Variants in DYSF observed in about 807,000 individuals in gnomAD.
DYSF encodes dystrophy-associated fer-1-like 1.
DYSF carries 212 observed loss-of-function variants against 274.9 expected under a neutral mutation model. The observed-to-expected ratio is 0.77, with a 90% CI of 0.69 to 0.86. The LOEUF (loss-of-function observed/expected upper bound fraction) is 0.86, where lower values mean the gene tolerates loss of function less well. DYSF is among the 40% of genes least tolerant of loss of function. The pLI is 0.00. For synonymous variants in DYSF, 1,091 were observed against 1,078.7 expected (o/e 1.01, Z -0.22); for missense variants, 2,666 against 2,783.2 (o/e 0.96, Z 0.95).
At chr2:71,623,281 C>A (rs550031195) in intron 41 of DYSF, among the ~76,000 whole-genome samples, 1 of 151,028 alleles carries the variant, frequency 6.6e-6, no homozygotes, top group African/African-American at 2.4e-5. Context: ...CCCACTAACT[C>A]GTCATCTAGC....
At chr2:71,663,025 G>A (rs1375276092) in intron 45 of DYSF, among the ~76,000 whole-genome samples, 1 of 145,270 alleles carries the variant, frequency 6.9e-6, no homozygotes, top group Non-Finnish European at 1.5e-5. Context: ...GTATGTTTAC[G>A]TGTGTGTGTG....
rs2082352226 is a variant in DYSF, at chr2:71,475,800, G to A, written c.92-5083G>A. Among the ~76,000 whole-genome samples the A allele has an allele frequency of 2.6e-5, 4 of 152,170 alleles. No homozygotes were observed. In the South Asian group the frequency reaches 6.2e-4, roughly 24 times the overall value. On this transcript the variant is annotated intron_variant, in intron 1 of 55. Transcript: ENST00000410020. ...TTTTATTTTTTAGAGACAGGGTCTT[G>A]CTCTGTTGCCCAGGCTGGAGTGCAG...
intron 4 of DYSF, among the ~76,000 whole-genome samples, chr2:71,510,986 G>A (rs1236262432): frequency 1.3e-5 from 2 of 152,240 alleles, no homozygotes; most frequent in South Asian, 4.1e-4. Context: ...AGTATCCGTT[G>A]CACTAATTTG....
chr2:71,630,041 C>T (rs1033262018), intron 41 of DYSF, among the ~76,000 whole-genome samples: 6 of 152,172 alleles, frequency 3.9e-5, no homozygotes, highest in Admixed American at 1.3e-4. Context: ...GTCTTCAGAT[C>T]GCTCTTCTTC....
chr2:71,566,566 C>A (rs969130271), intron 24 of DYSF, among the ~76,000 whole-genome samples: 8 of 151,484 alleles, frequency 5.3e-5, no homozygotes, highest in Non-Finnish European at 1.2e-4. Flanking sequence ...CTAGACATTT[C>A]TTTATTTGCT....
At position 71,664,416 on chromosome 2, in the gene DYSF, G is replaced by A; in HGVS notation, c.5152G>A (p.Gly1718Arg). 1 of 1,614,180 alleles carries A rather than the reference G, an allele frequency of 6.2e-7. No homozygotes were observed. The highest frequency in any genetic ancestry group is 8.5e-7 in the Non-Finnish European group (1 of 1,180,020). ...GCTGTCCAAGTTTGGGGCTCGCTGT[G>A]GACTCCCACAGACCTACTGTGTGTA... ...RLLSKFGARCGLPQTYCVSGP... is the reference protein window; with the variant it reads ...RLLSKFGARCRLPQTYCVSGP... Residue 1718 changes from glycine (G) to arginine (R), a missense_variant, in exon 46 of 56, where the codon GGA becomes AGA. Gly to Arg is a moderately radical substitution (Grantham distance 125, BLOSUM62 -2). This residue lies in a region of DYSF where 1,460 missense variants were observed against 1,502.1 expected (regional missense o/e 0.97). Coordinates refer to ENST00000410020, the MANE Select transcript of DYSF (RefSeq NM_001130987.2).
At position 71,507,047 on chromosome 2, in the gene DYSF, G is replaced by A. The variant is rs988228361; in HGVS notation, c.345+3728G>A. Among the ~76,000 whole-genome samples the A allele has an allele frequency of 3.9e-5, 6 of 152,140 alleles. 1 individual carries two copies. The highest frequency in any genetic ancestry group is 3.3e-4 in the Admixed American group (5 of 15,282). On this transcript the variant is annotated intron_variant, in intron 4 of 55. Transcript: ENST00000410020. ...GAAGGGGCTGCCTAAGTGGTCTCTG[G>A]AGCCCTCTCTCTGGAGAGGGCTGCT...
At chr2:71,618,360 T>C (rs62651678) in intron 40 of DYSF, among the ~76,000 whole-genome samples, 1 of 2,200 alleles carries the variant, frequency 4.5e-4, no homozygotes, top group African/African-American at 1.9e-3. Context: ...GGTGTGTGTG[T>C]GGTAGAGGTG....
chr2:71,628,039 A>G (rs1047463085), intron 41 of DYSF, among the ~76,000 whole-genome samples: 1 of 152,142 alleles, frequency 6.6e-6, no homozygotes, highest in African/African-American at 2.4e-5. Context: ...GCATTCTGAC[A>G]ATCTTTACTA....
chr2:71,570,417 C>G, intron 28 of DYSF, 83 bp downstream of exon 28: 1 of 1,485,152 alleles, frequency 6.7e-7, no homozygotes, highest in Non-Finnish European at 9.4e-7. Context: ...ATGCCAGGGC[C>G]CTTCACTGGG....
At chr2:71,528,054 A>C (rs1272245425) in intron 13 of DYSF, among the ~76,000 whole-genome samples, 2 of 152,212 alleles carry the variant, frequency 1.3e-5, no homozygotes, top group African/African-American at 4.8e-5. Flanking sequence ...AAAGGCTTTG[A>C]ATGCAGGGTG....
intron 51 of DYSF, among the ~76,000 whole-genome samples, chr2:71,670,534 A>G (rs2095101268): frequency 6.6e-6 from 1 of 152,184 alleles, no homozygotes; most frequent in African/African-American, 2.4e-5. Context: ...GCCCACAGCC[A>G]TCACCCTCCT....
intron 22 of DYSF, among the ~76,000 whole-genome samples, chr2:71,560,641 C>T (rs897705567): frequency 4.6e-5 from 7 of 152,194 alleles, no homozygotes; most frequent in Non-Finnish European, 8.8e-5. Flanking sequence ...AAATGTAGTG[C>T]GCCGAGGGCC....
intron 12 of DYSF, among the ~76,000 whole-genome samples, chr2:71,524,892 C>T (rs2087688455): frequency 6.6e-6 from 1 of 152,328 alleles, no homozygotes; most frequent in African/African-American, 2.4e-5. Context: ...CTGTGTTACA[C>T]CTCAGCTTTC....
chr2:71,551,087 C>T lies in DYSF; in HGVS notation c.1623C>T (p.Ile541=). The part of the protein sequence containing the change: ...GFLPTFGPCY[I]NLYGSPREFT... Reference sequence around the variant, plus strand: ...TCCCCACTTTTGGGCCCTGCTACATCAACCTCTATGGCAGTCCCAGAGAGT... The same window carrying T: ...TCCCCACTTTTGGGCCCTGCTACATTAACCTCTATGGCAGTCCCAGAGAGT... Residue 541 remains isoleucine, a synonymous_variant, in exon 18 of 56, where the codon ATC becomes ATT. Transcript: ENST00000410020. The T allele has an allele frequency of 6.2e-7, 1 of 1,614,176 alleles. No individual in the cohort carries two copies. Among genetic ancestry groups the T allele is most frequent in the South Asian group, 1.1e-5 (1 of 91,088 alleles).
intron 30 of DYSF, among the ~76,000 whole-genome samples, chr2:71,584,825 T>C (rs996532562): frequency 6.6e-6 from 1 of 152,142 alleles, no homozygotes; most frequent in African/African-American, 2.4e-5. Context: ...ATGATGCAGC[T>C]AAGGAAGAGC....
intron 40 of DYSF, among the ~76,000 whole-genome samples, chr2:71,616,171 C>T (rs1391325810): frequency 6.6e-6 from 1 of 152,108 alleles, no homozygotes; most frequent in East Asian, 1.9e-4. Context: ...TCTTAGGTTT[C>T]TAGAAATGTT....
At chr2:71,675,658 A>G (rs934065251) in intron 52 of DYSF, among the ~76,000 whole-genome samples, 2 of 152,192 alleles carry the variant, frequency 1.3e-5, no homozygotes, top group Non-Finnish European at 2.9e-5. Flanking sequence ...TATTTTACTT[A>G]TTATTTTGTA....
chr2:71,684,851 A>C (rs1208260326), intron 55 of DYSF, among the ~76,000 whole-genome samples: 1 of 152,218 alleles, frequency 6.6e-6, no homozygotes, highest in African/African-American at 2.4e-5. Flanking sequence ...TCCTGCTCAC[A>C]TGAGGAAGGG....
Sources: allele counts gnomAD v4.1 joint callset (sites outside exome capture counted in the v4.1 genomes callset), GRCh38; gene constraint gnomAD v4.1.1; regional missense constraint gnomAD v4.1.1; transcripts MANE v1.5; gene names NCBI Gene and HGNC (gene_info 2026-07-23, HGNC 2026-07-21).